ASXL3: variants seen among roughly 807,000 people sequenced by gnomAD.
ASXL3 encodes putative Polycomb group protein ASXL3.
In ASXL3, 34 loss-of-function variants were observed where a neutral mutation model predicts 170.6. The ratio of observed to expected loss-of-function variants is 0.20; its 90% CI spans 0.15 to 0.27. The LOEUF (loss-of-function observed/expected upper bound fraction) is 0.27. ASXL3 is among the 10% of genes least tolerant of loss of function. ASXL3 has a pLI of 1.00. For missense variants in ASXL3, 2,592 were observed against 2,695.3 expected (o/e 0.96, Z 0.85); for synonymous variants, 1,002 against 989.1 (o/e 1.01, Z -0.24).
chr18:33,596,788 C>T (rs990951638), intron 1 of ASXL3, among the ~76,000 whole-genome samples: 3 of 152,068 alleles, frequency 2.0e-5, no homozygotes, highest in African/African-American at 7.2e-5. Flanking sequence ...TTTGAGCTGA[C>T]CTTCTTTCTC....
chr18:33,661,888 A>G lies in ASXL3; in HGVS notation c.477+151A>G, dbSNP rs115635581. 0.011 allele frequency among the ~76,000 whole-genome samples: 1,281 copies of G among 116,756 alleles called. 9 individuals carry two copies. The highest frequency in any genetic ancestry group is 0.033 in the African/African-American group (1,060 of 32,606). 76.6% of individuals were successfully genotyped at this position (116,756 alleles called of 152,430 possible). On this transcript the variant is annotated intron_variant, in intron 5 of 11. Coordinates refer to ENST00000269197, the MANE Select transcript of ASXL3 (RefSeq NM_030632.3). ...CCATGATATTCAGTTCAATAATTTT[A>G]ATCTGTGATAAAAAAAAACTAGGAG...
At chr18:33,583,130 A>G (rs76079264) in intron 1 of ASXL3, among the ~76,000 whole-genome samples, 345 of 152,222 alleles carry the variant, frequency 2.3e-3, no homozygotes, top group African/African-American at 8.1e-3. Context: ...TTGTCTTTGT[A>G]TTTGGGAAAT....
In ASXL3 at chr18:33,739,738, A is replaced by G. The variant is rs2145415472; in HGVS notation, c.2334A>G (p.Pro778=). The G allele has an allele frequency of 6.2e-7, 1 of 1,613,614 alleles. No homozygotes were observed. ...AGTCACCTTCTGTATCTGAAGAGCC[A>G]CTCTCCCCGCAGAAAGATGAGTCTT... The part of the protein sequence containing the change: ...QRKSPSVSEE[P]LSPQKDESSA... Residue 778 remains proline, a synonymous_variant, in exon 11 of 12, where the codon CCA becomes CCG. Coordinates refer to ENST00000269197, the MANE Select transcript of ASXL3 (RefSeq NM_030632.3).
At chr18:33,653,427 T>C (rs75292119) in intron 4 of ASXL3, among the ~76,000 whole-genome samples, 4,794 of 152,188 alleles carry the variant, frequency 0.032, 251 homozygotes, top group African/African-American at 0.11. Context: ...TGTTTGCTCA[T>C]GGAGACACCT....
intron 2 of ASXL3, among the ~76,000 whole-genome samples, chr18:33,634,821 A>G (rs1448684830): frequency 6.6e-6 from 1 of 152,180 alleles, no homozygotes; most frequent in Non-Finnish European, 1.5e-5. Context: ...GAGCACTCAA[A>G]CCTGGCAAGG....
chr18:33,645,087 G>A (rs2145199596), intron 3 of ASXL3, 85 bp downstream of exon 3: 4 of 869,004 alleles, frequency 4.6e-6, no homozygotes, highest in Non-Finnish European at 6.9e-6. Context: ...TAGATTTGAA[G>A]AGTAGAAGAA....
chr18:33,607,272 C>T (rs2145123299), intron 1 of ASXL3, among the ~76,000 whole-genome samples: 1 of 152,060 alleles, frequency 6.6e-6, no homozygotes, highest in African/African-American at 2.4e-5. Flanking sequence ...TGACTTTCAC[C>T]ATAAAATTTT....
chr18:33,651,437 G>A (rs1346822068), intron 4 of ASXL3, among the ~76,000 whole-genome samples: 1 of 152,022 alleles, frequency 6.6e-6, no homozygotes, highest in East Asian at 1.9e-4. Context: ...AGAGAGAGGG[G>A]TGTGGGAGAG....
At chr18:33,712,525 T>C (rs776618260) in intron 8 of ASXL3, among the ~76,000 whole-genome samples, 21 of 152,186 alleles carry the variant, frequency 1.4e-4, no homozygotes, top group Non-Finnish European at 2.2e-4. Context: ...TAGTTTACAA[T>C]ACTAGCTGAC....
Position 33,578,660 on chromosome 18 carries a change from G to A in ASXL3, c.29G>A (p.Arg10His), listed in dbSNP as rs773417248. Residue 10 changes from arginine to histidine, a missense_variant, in exon 1 of 12, where the codon CGC (arginine) becomes CAC (histidine). By Grantham distance (29) the Arg-to-His change is conservative. Coordinates refer to ENST00000269197, the MANE Select transcript of ASXL3 (RefSeq NM_030632.3). ...AAAGACAAGAGGAAGAAGAAGGACC[G>A]CACCTGGGCCGAGGCTGCCCGCCTG... MKDKRKKKD[R>H]TWAEAARLAL... 2.2e-6 allele frequency: 3 copies of A among 1,355,792 alleles called. No homozygotes were observed. Among genetic ancestry groups the A allele is most frequent in the Admixed American group, 2.2e-5 (1 of 46,086 alleles). The allele number at this position is 1,355,792 out of a possible 1,614,324, so 84.0% of individuals were successfully genotyped here.
intron 2 of ASXL3, among the ~76,000 whole-genome samples, chr18:33,624,959 C>T (rs2065577415): frequency 6.6e-6 from 1 of 152,076 alleles, no homozygotes; most frequent in South Asian, 2.1e-4. Flanking sequence ...TAATTATGAA[C>T]AGTAATCTGG....
rs1599388521 is a variant in ASXL3, at chr18:33,607,499, C to G, written c.55-95C>G. On this transcript the variant is annotated intron_variant, in intron 1 of 11. Transcript: ENST00000269197. ...GCTTTTGATGTAAAAGCCCCTTCCC[C>G]TCTAATAAAATAAGCAGAGAATGCA... 16 of 1,017,788 alleles carry G rather than the reference C, an allele frequency of 1.6e-5. No homozygotes were observed. In the South Asian group the frequency reaches 2.3e-4, roughly 15 times the overall value. 63.0% of individuals were successfully genotyped at this position (1,017,788 alleles called of 1,614,324 possible). A position where few individuals can be genotyped will look rare whatever the true frequency, so the allele number is the denominator to read the frequency against.
At position 33,746,636 on chromosome 18, in the gene ASXL3, A is replaced by G; in HGVS notation, c.*41A>G. On this transcript the variant is annotated 3_prime_UTR_variant, in exon 12 of 12. Coordinates refer to ENST00000269197, the MANE Select transcript of ASXL3 (RefSeq NM_030632.3). ...TGCAGTATCCCTTTTCCACACGGAA[A>G]AGCCAAATAGCATCAGCAACAACAA... 1 of 1,518,200 alleles carries G rather than the reference A, an allele frequency of 6.6e-7. No homozygotes were observed. Among genetic ancestry groups the G allele is most frequent in the Non-Finnish European group, 8.8e-7 (1 of 1,138,770 alleles). 94.0% of individuals were successfully genotyped at this position (1,518,200 alleles called of 1,614,324 possible). A position where few individuals can be genotyped will look rare whatever the true frequency, so the allele number is the denominator to read the frequency against.
At position 33,744,783 on chromosome 18, in the gene ASXL3, A is replaced by G; in HGVS notation, c.4935A>G (p.Glu1645=). ...EQSCPKAIKT[E]HANYLNVSEL... Reference sequence around the variant, plus strand: ...GCTGTCCAAAGGCTATCAAAACTGAACATGCCAACTACTTGAACGTGTCAG... The same window carrying G: ...GCTGTCCAAAGGCTATCAAAACTGAGCATGCCAACTACTTGAACGTGTCAG... The change falls in exon 12 of 12, where the codon GAA becomes GAG. Residue 1645 remains glutamate, a synonymous_variant. Coordinates refer to ENST00000269197, the MANE Select transcript of ASXL3 (RefSeq NM_030632.3). 1 of 1,614,040 alleles carries G rather than the reference A, an allele frequency of 6.2e-7. No individual in the cohort carries two copies. The highest frequency in any genetic ancestry group is 8.5e-7 in the Non-Finnish European group (1 of 1,179,906).
chr18:33,722,712 T>G (rs2067284171), intron 8 of ASXL3, among the ~76,000 whole-genome samples: 1 of 152,136 alleles, frequency 6.6e-6, no homozygotes, highest in Non-Finnish European at 1.5e-5. Flanking sequence ...CTAAGATTAT[T>G]GATGAAGGTG....
At position 33,646,879 on chromosome 18, in the gene ASXL3, G is replaced by GC. The variant is rs1205796762; in HGVS notation, c.355+527dup. ...GAACCTTCCAGAATTTTAAGGGGGA[G>GC]CGGGGGGGGGGGGCATTTTTCACCT... On this transcript the variant is annotated intron_variant, in intron 4 of 11. Coordinates refer to ENST00000269197, the MANE Select transcript of ASXL3 (RefSeq NM_030632.3). 7.0e-4 allele frequency among the ~76,000 whole-genome samples: 82 copies of GC among 117,426 alleles called. 1 individual carries two copies. Among genetic ancestry groups the GC allele is most frequent in the African/African-American group, 2.1e-3 (68 of 32,354 alleles). The allele number at this position is 117,426 out of a possible 152,430, so 77.0% of individuals were successfully genotyped here.
At chr18:33,610,932 G>A (rs2065327513) in intron 2 of ASXL3, among the ~76,000 whole-genome samples, 2 of 152,026 alleles carry the variant, frequency 1.3e-5, no homozygotes, top group Admixed American at 6.6e-5. Context: ...GCTGTTGCTT[G>A]TTTTCAAACA....
intron 2 of ASXL3, among the ~76,000 whole-genome samples, chr18:33,615,180 T>A (rs2065403688): frequency 6.6e-6 from 1 of 152,184 alleles, no homozygotes; most frequent in Admixed American, 6.6e-5. Flanking sequence ...CCTTTGTCAA[T>A]GATCTTAGCG....
intron 8 of ASXL3, among the ~76,000 whole-genome samples, chr18:33,697,311 T>C (rs2066788019): frequency 6.6e-6 from 1 of 152,130 alleles, no homozygotes; most frequent in South Asian, 2.1e-4. Context: ...TTGGAAATAC[T>C]GTGTTGCATG....
Sources: gnomAD v4.1 joint callset for allele counts (sites outside exome capture counted in the v4.1 genomes callset) on GRCh38, gnomAD v4.1.1 for gene constraint, MANE v1.5 for transcripts, NCBI Gene and HGNC (gene_info 2026-07-23, HGNC 2026-07-21) for gene names.